AMBRA1: variants seen among roughly 807,000 people sequenced by gnomAD.
The protein encoded by AMBRA1 is activating molecule in BECN1-regulated autophagy protein 1.
In AMBRA1, 47 loss-of-function variants were observed where a neutral mutation model predicts 125.4. The ratio of observed to expected loss-of-function variants is 0.37; its 90% CI spans 0.30 to 0.48. AMBRA1 has a LOEUF of 0.48. AMBRA1 is among the 20% of genes least tolerant of loss of function. AMBRA1 has a pLI of 0.99. For synonymous variants in AMBRA1, 626 were observed against 655.5 expected (o/e 0.95, Z 0.69); for missense variants, 1,331 against 1,693.4 (o/e 0.79, Z 3.76).
intron 15 of AMBRA1, among the ~76,000 whole-genome samples, chr11:46,411,466 T>C (rs1393988683): frequency 2.6e-5 from 4 of 152,154 alleles, no homozygotes; most frequent in Non-Finnish European, 5.9e-5. Flanking sequence ...GCACTGAGCC[T>C]CCAAATCTGC....
intron 1 of AMBRA1, among the ~76,000 whole-genome samples, chr11:46,561,056 A>G (rs77004997): frequency 9.2e-5 from 14 of 152,138 alleles, no homozygotes; most frequent in African/African-American, 1.2e-4. Context: ...ATTGCCCCCA[A>G]TTCTTCCTGG....
intron 14 of AMBRA1, among the ~76,000 whole-genome samples, 184 bp from the exon 15 acceptor site, chr11:46,418,236 AAT>A (rs1410608069): frequency 2.8e-5 from 4 of 143,770 alleles, no homozygotes; most frequent in Non-Finnish European, 4.5e-5. Flanking sequence ...TTTATATATA[AAT>A]ATATATAATA....
chr11:46,410,197 G>C, intron 16 of AMBRA1, 79 bp downstream of exon 16: 2 of 1,325,276 alleles, frequency 1.5e-6, no homozygotes, highest in Non-Finnish European at 2.2e-6. Context: ...CCTAGAGGGC[G>C]CTGCTTAAGA....
At chr11:46,571,728 GC>G (rs113794943) in intron 1 of AMBRA1, among the ~76,000 whole-genome samples, 145,254 of 145,284 alleles carry the variant, frequency 1, 72,612 homozygotes, top group Middle Eastern at 1. Flanking sequence ...TCCCTCTGTC[GC>G]CCCAGGCTGG....
rs551967800 is a variant in AMBRA1, at chr11:46,396,742, C to G, written c.*708G>C. Reference sequence around the variant, plus strand: ...CACAGGCGCTGCTCTGAGGGCCTTGCGGGGAGAAGACTGGTGGACAAGCCC... The same window carrying G: ...CACAGGCGCTGCTCTGAGGGCCTTGGGGGGAGAAGACTGGTGGACAAGCCC... On this transcript the variant is annotated 3_prime_UTR_variant, in exon 18 of 18. Transcript: ENST00000683756. 6.6e-6 allele frequency: 1 copy of G among 152,640 alleles called. No individual in the cohort carries two copies. Among genetic ancestry groups the G allele is most frequent in the African/African-American group, 2.4e-5 (1 of 41,418 alleles). The allele number at this position is 152,640 out of a possible 1,614,324, so 9.5% of individuals were successfully genotyped here. A position where few individuals can be genotyped will look rare whatever the true frequency, so the allele number is the denominator to read the frequency against.
intron 14 of AMBRA1, among the ~76,000 whole-genome samples, chr11:46,431,426 T>C (rs1422485963): frequency 5.9e-5 from 9 of 152,238 alleles, no homozygotes; most frequent in Admixed American, 5.9e-4. Context: ...CCACATTCCT[T>C]GAGCTGCCAG....
At chr11:46,572,065 G>A (rs1288738015) in intron 1 of AMBRA1, among the ~76,000 whole-genome samples, 2 of 152,142 alleles carry the variant, frequency 1.3e-5, no homozygotes, top group Non-Finnish European at 2.9e-5. Context: ...GACTTTGCGA[G>A]GCCGAGGTGG....
chr11:46,473,510 T>A (rs1165826119), intron 11 of AMBRA1, among the ~76,000 whole-genome samples: 1 of 152,244 alleles, frequency 6.6e-6, no homozygotes, highest in African/African-American at 2.4e-5. Flanking sequence ...TAATTCTTCC[T>A]GTTACTTGTG....
intron 7 of AMBRA1, among the ~76,000 whole-genome samples, chr11:46,534,753 A>G (rs1379494814): frequency 6.6e-6 from 1 of 152,102 alleles, no homozygotes; most frequent in Non-Finnish European, 1.5e-5. Context: ...GGCTCACTGC[A>G]GCCTCAACCT....
intron 1 of AMBRA1, among the ~76,000 whole-genome samples, chr11:46,556,537 A>G (rs2043161109): frequency 6.6e-6 from 1 of 152,160 alleles, no homozygotes. Flanking sequence ...GTCATGAGTG[A>G]TATTTATTTT....
At chr11:46,417,244 G>A (rs190795657) in intron 15 of AMBRA1, among the ~76,000 whole-genome samples, 1 of 152,196 alleles carries the variant, frequency 6.6e-6, no homozygotes, top group Non-Finnish European at 1.5e-5. Flanking sequence ...TAGAGACGGG[G>A]TTTTACCACG....
intron 7 of AMBRA1, among the ~76,000 whole-genome samples, chr11:46,538,832 A>G (rs537793965): frequency 1.2e-4 from 18 of 152,324 alleles, no homozygotes; most frequent in African/African-American, 4.3e-4. Flanking sequence ...CTACTTTATT[A>G]AGTGATTAAT....
Position 46,397,086 on chromosome 11 carries a change from C to CCA in AMBRA1, c.*362_*363dup. 1 of 183,244 alleles carries CCA rather than the reference C, an allele frequency of 5.5e-6. No homozygotes were observed. The highest frequency in any genetic ancestry group is 2.0e-4 in the South Asian group (1 of 5,118). 11.4% of individuals were successfully genotyped at this position (183,244 alleles called of 1,614,324 possible). A position where few individuals can be genotyped will look rare whatever the true frequency, so the allele number is the denominator to read the frequency against. The stretch of plus-strand genomic sequence containing the variant: ...CGGGCCTCTGTCCAGGATGATTGGC[C>CCA]CAGATCTGGAAGACTGTTCACTCTC... On this transcript the variant is annotated 3_prime_UTR_variant, in exon 18 of 18. Coordinates refer to ENST00000683756, the MANE Select transcript of AMBRA1 (RefSeq NM_001387011.1).
intron 17 of AMBRA1, among the ~76,000 whole-genome samples, chr11:46,402,224 G>A (rs1469807884): frequency 6.6e-6 from 1 of 152,172 alleles, no homozygotes; most frequent in Non-Finnish European, 1.5e-5. Context: ...AGTCTAACAC[G>A]TGGGTTTACA....
Position 46,512,654 on chromosome 11 carries a change from A to G in AMBRA1, c.2159+73T>C, listed in dbSNP as rs112675340. On this transcript the variant is annotated intron_variant, in intron 8 of 17. Coordinates refer to ENST00000683756, the MANE Select transcript of AMBRA1 (RefSeq NM_001387011.1). ...CCAGGACCAGAGAGGCACAGAACGGAGCTTCCAACAGTGTGGCAACCCCAA... is the reference window on the plus strand; with the variant it reads ...CCAGGACCAGAGAGGCACAGAACGGGGCTTCCAACAGTGTGGCAACCCCAA... The G allele has an allele frequency of 7.5e-6, 9 of 1,204,332 alleles. No homozygotes were observed. The African/African-American group carries it at 9.1e-5, about 12-fold the overall frequency. The allele number at this position is 1,204,332 out of a possible 1,614,324, so 74.6% of individuals were successfully genotyped here. A position where few individuals can be genotyped will look rare whatever the true frequency, so the allele number is the denominator to read the frequency against.
chr11:46,492,319 C>T (rs947179826), intron 11 of AMBRA1, among the ~76,000 whole-genome samples: 1 of 152,202 alleles, frequency 6.6e-6, no homozygotes, highest in African/African-American at 2.4e-5. Flanking sequence ...GGCCAGATCC[C>T]ATGGCCTTGA....
chr11:46,585,163 AAG>A (rs1491450754), intron 1 of AMBRA1, among the ~76,000 whole-genome samples: 1 of 151,976 alleles, frequency 6.6e-6, no homozygotes, highest in African/African-American at 2.4e-5. Context: ...CATGCTCGTT[AAG>A]AGTCATCACC....
At position 46,542,333 on chromosome 11, in the gene AMBRA1, G is replaced by A. The variant is rs144140762; in HGVS notation, c.1684C>T (p.Arg562Cys). The change falls in exon 7 of 18, where the codon CGT (arginine) becomes TGT (cysteine). Residue 562 changes from arginine to cysteine, a missense_variant. Coordinates refer to ENST00000683756, the MANE Select transcript of AMBRA1 (RefSeq NM_001387011.1). This position sits in a 1 kb window ranked among gnomAD's most constrained non-coding sequence, Gnocchi z 5.9. ...GCACGACAGCGATTCAGGTGGCCACGGGACAGGTTGGAGTTGTTCTCACTG... is the reference window on the plus strand; with the variant it reads ...GCACGACAGCGATTCAGGTGGCCACAGGACAGGTTGGAGTTGTTCTCACTG... ...HSSENNSNLS[R>C]GHLNRCRACH... is the part of the protein sequence containing the mutation. The A allele has an allele frequency of 1.9e-5, 30 of 1,614,022 alleles. No individual in the cohort carries two copies. Among genetic ancestry groups the A allele is most frequent in the Non-Finnish European group, 2.4e-5 (28 of 1,180,052 alleles).
At chr11:46,485,805 C>T (rs772079072) in intron 11 of AMBRA1, among the ~76,000 whole-genome samples, 34 of 152,144 alleles carry the variant, frequency 2.2e-4, no homozygotes, top group Non-Finnish European at 4.1e-4. Flanking sequence ...CAGTATTTTT[C>T]CCTAGAAAAG....
Sources: allele counts gnomAD v4.1 joint callset (sites outside exome capture counted in the v4.1 genomes callset), GRCh38; gene constraint gnomAD v4.1.1; non-coding constraint Gnocchi (gnomAD v3.1); transcripts MANE v1.5; gene names NCBI Gene and HGNC (gene_info 2026-07-23, HGNC 2026-07-21).